THTPA: variants seen among roughly 807,000 people sequenced by gnomAD.
The protein encoded by THTPA is thiamine triphosphatase.
Under a neutral mutation model 16.5 loss-of-function variants are expected in THTPA, and 16 were observed. The observed-to-expected ratio is 0.97, with a 90% CI of 0.66 to 1.47. The LOEUF (loss-of-function observed/expected upper bound fraction) is 1.47. Among genes scored for constraint, THTPA ranks in the 40% most tolerant of loss-of-function variants. The pLI, the probability that THTPA is intolerant of heterozygous loss-of-function variation, is 0.00. For synonymous variants in THTPA, 110 were observed against 115.5 expected (o/e 0.95, Z 0.30); for missense variants, 281 against 280.9 (o/e 1.00, Z 0.00).
chr14:23,554,894 T>C (rs1200482321), upstream of THTPA, among the ~76,000 whole-genome samples: 3 of 152,210 alleles, frequency 2.0e-5, no homozygotes, highest in African/African-American at 7.2e-5. Flanking sequence ...AGTCTCCAGA[T>C]AACCATAGTC....
chr14:23,559,656 C>T lies in THTPA; in HGVS notation c.*816C>T, dbSNP rs1883083351. The T allele has an allele frequency of 8.6e-7, 1 of 1,161,024 alleles. No homozygotes were observed. The highest frequency in any genetic ancestry group is 1.3e-6 in the Non-Finnish European group (1 of 788,174). The allele number at this position is 1,161,024 out of a possible 1,614,324, so 71.9% of individuals were successfully genotyped here. A position where few individuals can be genotyped will look rare whatever the true frequency, so the allele number is the denominator to read the frequency against. On this transcript the variant is annotated 3_prime_UTR_variant, in exon 2 of 2. Coordinates refer to ENST00000288014, the MANE Select transcript of THTPA (RefSeq NM_024328.6). ...TTTTTGCAGTGCAAAGCCAGAGCGC[C>T]ACCTGCTGGTAGCCCTCAGGTGTAG...
chr14:23,539,956 T>C, the THTPA span, among the ~76,000 whole-genome samples: 2,658 of 152,356 alleles, frequency 0.017, 76 homozygotes, highest in African/African-American at 0.061. Context: ...CAAGTTTGCA[T>C]ACAATGATTT....
At chr14:23,522,856 G>A in the THTPA span, 12 of 1,526,504 alleles carry the variant, frequency 7.9e-6, no homozygotes, top group Non-Finnish European at 9.6e-6. Flanking sequence ...GAGGTAAGGG[G>A]CGGCCTGGGC....
chr14:23,530,984 G>A, the THTPA span: 1 of 167,682 alleles, frequency 6.0e-6, no homozygotes, highest in South Asian at 1.6e-4. Flanking sequence ...GCTGCCTAAG[G>A]GTGACTCTAA....
the THTPA span, chr14:23,529,598 C>G: frequency 1.8e-6 from 2 of 1,100,002 alleles, no homozygotes; most frequent in Non-Finnish European, 2.7e-6. Context: ...CTGTGCTATT[C>G]TGAGTGAAAT....
At chr14:23,526,533 C>T in the THTPA span, 13 of 1,535,938 alleles carry the variant, frequency 8.5e-6, no homozygotes, top group South Asian at 1.2e-5. Context: ...ACGTCTTCAG[C>T]TTGGGCATCA....
the THTPA span, chr14:23,527,706 G>A: frequency 6.5e-7 from 1 of 1,536,218 alleles, no homozygotes; most frequent in South Asian, 1.2e-5. Flanking sequence ...GGCACAGTGG[G>A]CATCTGTACT....
At chr14:23,527,728 G>A in the THTPA span, 5 of 1,536,030 alleles carry the variant, frequency 3.3e-6, no homozygotes, top group Non-Finnish European at 4.4e-6. Context: ...GGGCTGCACT[G>A]CATGCTGGGA....
the THTPA span, chr14:23,530,153 C>T: frequency 6.5e-7 from 1 of 1,536,010 alleles, no homozygotes; most frequent in East Asian, 2.4e-5. Context: ...GCATCTTTCT[C>T]AGGGGTGGGT....
chr14:23,520,154 A>G, the THTPA span, among the ~76,000 whole-genome samples: 66 of 152,216 alleles, frequency 4.3e-4, no homozygotes, highest in African/African-American at 1.5e-3. This position sits in a 1 kb window ranked among gnomAD's most constrained non-coding sequence, Gnocchi z 8.7. Context: ...CCTATCAAAG[A>G]TTGACCTGTG....
chr14:23,545,003 G>C, the THTPA span, among the ~76,000 whole-genome samples: 1 of 151,390 alleles, frequency 6.6e-6, no homozygotes, highest in Admixed American at 6.6e-5. Flanking sequence ...CTTCGATTCT[G>C]GGCTCCTCTT....
At chr14:23,525,906 G>T in the THTPA span, 1 of 1,467,864 alleles carries the variant, frequency 6.8e-7, no homozygotes, top group East Asian at 2.5e-5. The surrounding 1 kb of genome is among the most constrained non-coding windows in gnomAD (Gnocchi z 5.9). Flanking sequence ...GGGAAGGGGG[G>T]CAGGACTGGT....
the THTPA span, among the ~76,000 whole-genome samples, chr14:23,535,874 G>C: frequency 6.6e-6 from 1 of 152,140 alleles, no homozygotes; most frequent in Non-Finnish European, 1.5e-5. The surrounding 1 kb of genome is among the most constrained non-coding windows in gnomAD (Gnocchi z 4.5). Context: ...TTATAGGCGT[G>C]AGCCACCGCG....
chr14:23,537,541 T>C, the THTPA span, among the ~76,000 whole-genome samples: 2,519 of 152,262 alleles, frequency 0.017, 76 homozygotes, highest in African/African-American at 0.058. Flanking sequence ...CCTGGGGTTC[T>C]AGCCAGGCAT....
chr14:23,532,830 C>A, the THTPA span: 9 of 1,536,554 alleles, frequency 5.9e-6, no homozygotes, highest in East Asian at 2.2e-4. Flanking sequence ...AGCTGGGTGC[C>A]ATAGCAGCAA....
chr14:23,556,931 G>A lies in THTPA; in HGVS notation c.174G>A (p.Glu58=), dbSNP rs1882444587. The A allele has an allele frequency of 9.9e-6, 16 of 1,614,158 alleles. No individual in the cohort carries two copies. The highest frequency in any genetic ancestry group is 1.3e-5 in the Non-Finnish European group (15 of 1,180,004). ...MQADHWLRRR[E]DSGWELKCPG... Reference sequence around the variant, plus strand: ...CTGACCACTGGCTGCGACGACGAGAGGATAGTGGATGGGAGCTCAAATGTC... The same window carrying A: ...CTGACCACTGGCTGCGACGACGAGAAGATAGTGGATGGGAGCTCAAATGTC... The change falls in exon 1 of 2, where the codon GAG becomes GAA. Residue 58 remains glutamate, a synonymous_variant. Transcript: ENST00000288014.
chr14:23,531,231 A>G, the THTPA span: 1 of 405,446 alleles, frequency 2.5e-6, no homozygotes, highest in Middle Eastern at 6.6e-4. Context: ...GTTCCTCTTC[A>G]CCCTCTTCCT....
chr14:23,533,315 C>G, the THTPA span: 1 of 1,438,016 alleles, frequency 7.0e-7, no homozygotes, highest in Non-Finnish European at 9.1e-7. The surrounding 1 kb of genome is among the most constrained non-coding windows in gnomAD (Gnocchi z 4.8). Flanking sequence ...GCAGGTGCTC[C>G]TACGTGGTGG....
rs1192178097 is a variant in THTPA at position 23,559,843 on chromosome 14, A to AG, written c.*1009dup. 11 of 1,613,934 alleles carry AG rather than the reference A, an allele frequency of 6.8e-6. No homozygotes were observed. The highest frequency in any genetic ancestry group is 9.3e-6 in the Non-Finnish European group (11 of 1,180,006). ...GTAGGTGAGGCGCAGCTTTAGCCGCAGGGGGGCCTAGGAATAGGAGAGCAG... is the reference window on the plus strand; with the variant it reads ...GTAGGTGAGGCGCAGCTTTAGCCGCAGGGGGGGCCTAGGAATAGGAGAGCAG... On this transcript the variant is annotated 3_prime_UTR_variant, in exon 2 of 2. Transcript: ENST00000288014.
Sources: allele counts gnomAD v4.1 joint callset (sites outside exome capture counted in the v4.1 genomes callset), GRCh38; gene constraint gnomAD v4.1.1; non-coding constraint Gnocchi (gnomAD v3.1); transcripts MANE v1.5; gene names NCBI Gene and HGNC (gene_info 2026-07-23, HGNC 2026-07-21).